Variants in LY75 observed in about 807,000 individuals in gnomAD.
LY75 encodes lymphocyte antigen 75.
Under a neutral mutation model 231.7 loss-of-function variants are expected in LY75, and 185 were observed. The ratio of observed to expected loss-of-function variants is 0.80; its 90% CI spans 0.71 to 0.90. The LOEUF is 0.90. LY75 is among the 40% of genes least tolerant of loss of function. LY75 has a pLI of 0.00. For missense variants in LY75, 1,947 were observed against 2,050.2 expected (o/e 0.95, Z 0.97); for synonymous variants, 668 against 689.0 (o/e 0.97, Z 0.48).
chr2:159,820,647 C>T (rs1026577311), intron 28 of LY75, among the ~76,000 whole-genome samples: 1 of 152,078 alleles, frequency 6.6e-6, no homozygotes, highest in African/African-American at 2.4e-5. Context: ...ATCTATGTAA[C>T]CAACCACCAC....
At chr2:159,888,114 C>A (rs1241271028) in intron 4 of LY75, among the ~76,000 whole-genome samples, 4 of 152,002 alleles carry the variant, frequency 2.6e-5, no homozygotes, top group African/African-American at 9.7e-5. Flanking sequence ...GGTAAAGCTA[C>A]AAGTAAGAAA....
rs1682750258 is a variant in LY75 at position 159,804,986 on chromosome 2, T to C, written c.*58A>G. 1 of 1,409,606 alleles carries C rather than the reference T, an allele frequency of 7.1e-7. No individual in the cohort carries two copies. Among genetic ancestry groups the C allele is most frequent in the Non-Finnish European group, 9.9e-7 (1 of 1,007,710 alleles). 87.3% of individuals were successfully genotyped at this position (1,409,606 alleles called of 1,614,324 possible). A position where few individuals can be genotyped will look rare whatever the true frequency, so the allele number is the denominator to read the frequency against. Reference sequence around the variant, plus strand: ...AGAGTAAATACTGACACTGGGACATTTTAAGTGACTAATTTCTCATAACAC... The same window carrying C: ...AGAGTAAATACTGACACTGGGACATCTTAAGTGACTAATTTCTCATAACAC... On this transcript the variant is annotated 3_prime_UTR_variant, in exon 35 of 35. Transcript: ENST00000263636.
chr2:159,826,300 T>C (rs183409383), intron 28 of LY75, among the ~76,000 whole-genome samples: 2 of 152,184 alleles, frequency 1.3e-5, no homozygotes, highest in African/African-American at 4.8e-5. Context: ...CAAGCATTCC[T>C]GTACACCAAT....
chr2:159,817,103 T>G, intron 29 of LY75, 71 bp from the exon 30 acceptor site: 1 of 1,413,182 alleles, frequency 7.1e-7, no homozygotes, highest in South Asian at 1.5e-5. Flanking sequence ...TGAGACAACA[T>G]GCAATCATTT....
chr2:159,861,233 C>T (rs959498909), intron 14 of LY75, among the ~76,000 whole-genome samples: 1 of 151,974 alleles, frequency 6.6e-6, no homozygotes, highest in African/African-American at 2.4e-5. Flanking sequence ...AGATATGCTC[C>T]AATTTGAAAA....
intron 20 of LY75, 144 bp downstream of exon 20, chr2:159,853,129 T>G (rs1684452611): frequency 1.3e-6 from 1 of 789,824 alleles, no homozygotes; most frequent in Admixed American, 2.9e-5. Flanking sequence ...CATTGGGAAT[T>G]TGAGCTATTG....
At chr2:159,884,663 T>G (rs145181224) in intron 6 of LY75, among the ~76,000 whole-genome samples, 2 of 152,154 alleles carry the variant, frequency 1.3e-5, no homozygotes, top group Non-Finnish European at 2.9e-5. Context: ...TACGGAGGCA[T>G]GAACTGCAGT....
intron 13 of LY75, among the ~76,000 whole-genome samples, chr2:159,871,358 C>A (rs1685007097): frequency 6.6e-6 from 1 of 152,016 alleles, no homozygotes; most frequent in South Asian, 2.1e-4. Flanking sequence ...AGAGACCTGG[C>A]AAATTGGAGA....
chr2:159,824,464 A>G (rs1229918295), intron 28 of LY75, among the ~76,000 whole-genome samples: 1 of 152,228 alleles, frequency 6.6e-6, no homozygotes, highest in African/African-American at 2.4e-5. Flanking sequence ...CCAGATTCAC[A>G]AAGCAAGTTC....
intron 2 of LY75, among the ~76,000 whole-genome samples, chr2:159,898,250 G>A (rs1685957204): frequency 6.6e-6 from 1 of 152,162 alleles, no homozygotes; most frequent in Non-Finnish European, 1.5e-5. Flanking sequence ...GAGAAGCTGG[G>A]ACCGCAACCA....
At chr2:159,828,997 A>T (rs988141526) in intron 28 of LY75, among the ~76,000 whole-genome samples, 2 of 152,188 alleles carry the variant, frequency 1.3e-5, no homozygotes, top group South Asian at 4.1e-4. Flanking sequence ...GTTGCTGAGG[A>T]CTAGGAGACA....
rs573287114 is a variant in LY75, at chr2:159,827,893, TG to T, written c.3958+3776del. ...AACACCGCATGTTCTCACTCATAAG[TG>T]GGAGTTGAACAATGAGAACACATGG... On this transcript the variant is annotated intron_variant, in intron 28 of 34. Transcript: ENST00000263636. Among the ~76,000 whole-genome samples, 563 of 151,728 alleles carry T rather than the reference TG, an allele frequency of 3.7e-3. 2 individuals are homozygous for T. Among genetic ancestry groups the T allele is most frequent in the African/African-American group, 0.013 (527 of 41,350 alleles).
intron 1 of LY75, among the ~76,000 whole-genome samples, chr2:159,903,994 G>A (rs977999382): frequency 6.6e-6 from 1 of 152,248 alleles, no homozygotes; most frequent in African/African-American, 2.4e-5. Context: ...GAGAAGAAAG[G>A]TTTGTTGCTC....
chr2:159,811,313 A>G (rs1207551538), intron 31 of LY75, among the ~76,000 whole-genome samples: 1 of 152,218 alleles, frequency 6.6e-6, no homozygotes, highest in Admixed American at 6.5e-5. Flanking sequence ...AAACAAAAAA[A>G]GACTAGGAGT....
chr2:159,810,640 A>T lies in LY75; in HGVS notation c.4585T>A (p.Cys1529Ser). The part of the protein sequence containing the change: ...KLSRLTYSSR[C>S]PAAKENGSRW... ...GACCCATTCTCTTTTGCTGCTGGAC[A>T]TCTTGATGAATATGTAAGACGGGAC... The change falls in exon 32 of 35, where the codon TGT becomes AGT. Residue 1529 changes from cysteine to serine, a missense_variant. Coordinates refer to ENST00000263636, the MANE Select transcript of LY75 (RefSeq NM_002349.4). 1.2e-6 allele frequency: 2 copies of T among 1,614,000 alleles called. No individual in the cohort carries two copies. The highest frequency in any genetic ancestry group is 1.1e-5 in the South Asian group (1 of 91,060).
At chr2:159,847,818 A>G (rs184263826) in intron 23 of LY75, among the ~76,000 whole-genome samples, 2 of 152,124 alleles carry the variant, frequency 1.3e-5, no homozygotes, top group African/African-American at 4.8e-5. Flanking sequence ...ATATCCTTTG[A>G]TCTGGCTACA....
Position 159,886,458 on chromosome 2 carries a change from G to T in LY75, c.875C>A (p.Ser292Ter). The change falls in exon 5 of 35, where the codon TCA becomes TAA. Residue 292 changes from serine to a stop codon, truncating the protein, a stop_gained. Transcript: ENST00000263636. LOFTEE classifies it high-confidence loss of function. ...GAGAAAGTTTAATGGTTTGTGGTCT[G>T]ACCATTCCCAGCCTCTAGCAGAGTA... ...QLYSARGWEW[S>*]DHKPLNFLNW... 1 of 1,611,512 alleles carries T rather than the reference G, an allele frequency of 6.2e-7. No individual in the cohort carries two copies. The highest frequency in any genetic ancestry group is 1.1e-5 in the South Asian group (1 of 90,934).
intron 26 of LY75, 53 bp from the exon 27 acceptor site, chr2:159,834,264 C>A (rs1006215620): frequency 1.2e-6 from 2 of 1,602,730 alleles, no homozygotes; most frequent in South Asian, 1.1e-5. Flanking sequence ...AATGTTAAAT[C>A]CTGTTTGCAG....
chr2:159,814,997 CTTTTT>C (rs3035627), intron 31 of LY75, among the ~76,000 whole-genome samples: 1 of 111,442 alleles, frequency 9.0e-6, no homozygotes, highest in Non-Finnish European at 1.8e-5. Flanking sequence ...GTGAATACAT[CTTTTT>C]TTTTTTTTTT....
Sources: allele counts gnomAD v4.1 joint callset (sites outside exome capture counted in the v4.1 genomes callset), GRCh38; gene constraint gnomAD v4.1.1; transcripts MANE v1.5; gene names NCBI Gene and HGNC (gene_info 2026-07-23, HGNC 2026-07-21).